MGA: variants seen among roughly 807,000 people sequenced by gnomAD.
MGA encodes MAX dimerization protein MGA.
Under a neutral mutation model 261.1 loss-of-function variants are expected in MGA, and 40 were observed. The ratio of observed to expected loss-of-function variants is 0.15; its 90% CI spans 0.12 to 0.20. The LOEUF is 0.20. Among genes scored for constraint, MGA ranks in the 10% least tolerant of loss-of-function variants. The probability of loss-of-function intolerance (pLI) is 1.00; values close to 1 mark genes in which losing one functional copy is unlikely to be tolerated. For synonymous variants in MGA, 1,302 were observed against 1,290.6 expected (o/e 1.01, Z -0.19); for missense variants, 3,397 against 3,630.5 (o/e 0.94, Z 1.65).
chr15:41,753,889 T>C (rs1376896830), intron 17 of MGA, among the ~76,000 whole-genome samples: 1 of 152,194 alleles, frequency 6.6e-6, no homozygotes, highest in African/African-American at 2.4e-5. Context: ...TTGAGGATGC[T>C]GTTAAGTTTA....
chr15:41,710,595 TG>T, intron 7 of MGA, 95 bp from the exon 8 acceptor site: 1 of 1,200,840 alleles, frequency 8.3e-7, no homozygotes, highest in South Asian at 1.6e-5. Context: ...TTCACTATCT[TG>T]TAGCTCAATA....
intron 9 of MGA, 32 bp from the exon 10 acceptor site, chr15:41,727,148 T>C (rs1332606147): frequency 8.3e-6 from 13 of 1,557,042 alleles, no homozygotes; most frequent in Non-Finnish European, 1.1e-5. Context: ...TTGCCAAAAG[T>C]ACCTAAAACC....
At chr15:41,714,331 T>A (rs1244375692) in intron 9 of MGA, among the ~76,000 whole-genome samples, 1 of 152,184 alleles carries the variant, frequency 6.6e-6, no homozygotes, top group Non-Finnish European at 1.5e-5. Flanking sequence ...TTATAATCCC[T>A]TTGGTTGGAT....
rs1404693296 is a variant in MGA, at chr15:41,745,761, C to A, written c.5212+2589C>A. On this transcript the variant is annotated intron_variant, in intron 15 of 23. Coordinates refer to ENST00000219905, the MANE Select transcript of MGA (RefSeq NM_001164273.2). ...CTGGGATCATAGGCTTGTGCCACCA[C>A]ACCTGGTTAATTTTTTTGATTTTCA... 2.0e-5 allele frequency among the ~76,000 whole-genome samples: 3 copies of A among 147,222 alleles called. No individual in the cohort carries two copies. The East Asian group carries it at 9.7e-4, about 47-fold the overall frequency.
intron 1 of MGA, among the ~76,000 whole-genome samples, chr15:41,665,569 T>C (rs2057685902): frequency 6.6e-6 from 1 of 152,162 alleles, no homozygotes. Context: ...AGTCTCACTG[T>C]GTTTTCCAGG....
At chr15:41,708,317 T>TTTGTTG in intron 7 of MGA, 109 bp downstream of exon 7, 2 of 826,504 alleles carry the variant, frequency 2.4e-6, no homozygotes, top group Non-Finnish European at 1.9e-6. Flanking sequence ...CCATGGGTTT[T>TTTGTTG]TTGTTGTTGT....
rs2063838486 is a variant in MGA, at chr15:41,767,139, C to G, written c.9057C>G (p.Ala3019=). The G allele has an allele frequency of 6.2e-7, 1 of 1,613,904 alleles. No homozygotes were observed. The highest frequency in any genetic ancestry group is 1.3e-5 in the African/African-American group (1 of 75,004). Reference sequence around the variant, plus strand: ...TGCCTTGTTTGGCACCTATAGCTGCCAAAGTTGGGTCAGTTGGACACAAAA... The same window carrying G: ...TGCCTTGTTTGGCACCTATAGCTGCGAAAGTTGGGTCAGTTGGACACAAAA... The change falls in exon 24 of 24, where the codon GCC becomes GCG. Residue 3019 remains alanine, a synonymous_variant. Transcript: ENST00000219905.
chr15:41,750,615 G>A lies in MGA; in HGVS notation c.7008G>A (p.Lys2336=). 1 of 1,598,758 alleles carries A rather than the reference G, an allele frequency of 6.3e-7. No homozygotes were observed. Among genetic ancestry groups the A allele is most frequent in the South Asian group, 1.1e-5 (1 of 88,800 alleles). Reference sequence around the variant, plus strand: ...GTGAGGAGGTTGATGATGTAGAAAAGGTGGTGAGCCCATTTTTGTTGTGAC... The same window carrying A: ...GTGAGGAGGTTGATGATGTAGAAAAAGTGGTGAGCCCATTTTTGTTGTGAC... The change falls in exon 17 of 24, where the codon AAG becomes AAA. Residue 2336 remains lysine (K), a splice_region_variant and synonymous_variant. Transcript: ENST00000219905.
intron 2 of MGA, among the ~76,000 whole-genome samples, chr15:41,682,692 G>C (rs1247579550): frequency 5.3e-5 from 8 of 151,756 alleles, no homozygotes; most frequent in Non-Finnish European, 1.0e-4. Flanking sequence ...TTTTGGCCAG[G>C]CTGGTCTTGA....
In MGA at chr15:41,727,860, TAGGTA is replaced by T. The variant is rs1215168507; in HGVS notation, c.3657+456_3657+460del. On this transcript the variant is annotated intron_variant, in intron 10 of 23. Transcript: ENST00000219905. ...TTGATATAATATGACTGAAGACTGG[TAGGTA>T]AAAGTAGGAAGTTATTCATTGTGTT... Among the ~76,000 whole-genome samples the T allele has an allele frequency of 2.9e-4, 44 of 152,282 alleles. 1 individual carries two copies. The highest frequency in any genetic ancestry group is 2.2e-3 in the Admixed American group (34 of 15,298).
intron 1 of MGA, among the ~76,000 whole-genome samples, chr15:41,661,641 A>G (rs1447759817): frequency 6.6e-6 from 1 of 152,096 alleles, no homozygotes; most frequent in African/African-American, 2.4e-5. Context: ...CGCCGGAGCA[A>G]ACACGTGGAT....
chr15:41,769,812 A>AAAT lies in MGA; in HGVS notation c.*2534_*2536dup. 1 of 152,582 alleles carries AAAT rather than the reference A, an allele frequency of 6.6e-6. No homozygotes were observed. The highest frequency in any genetic ancestry group is 1.9e-4 in the East Asian group (1 of 5,206). The allele number at this position is 152,582 out of a possible 1,614,324, so 9.5% of individuals were successfully genotyped here. On this transcript the variant is annotated 3_prime_UTR_variant, in exon 24 of 24. Transcript: ENST00000219905. ...GATTTAGCATTTTCTTTTATATATT[A>AAAT]AATATATATATCTTTCCTTTTCTGC...
At chr15:41,692,099 T>TTTTTG (rs951697343) in intron 2 of MGA, among the ~76,000 whole-genome samples, 34 of 152,268 alleles carry the variant, frequency 2.2e-4, no homozygotes, top group Admixed American at 3.9e-4. Context: ...CTCTGACACT[T>TTTTTG]TTTTGTTTTG....
In MGA at chr15:41,667,717, G is replaced by A. The variant is rs185889968; in HGVS notation, c.-67-1111G>A. Among the ~76,000 whole-genome samples, 46 of 152,204 alleles carry A rather than the reference G, an allele frequency of 3.0e-4. No homozygotes were observed. The East Asian group carries it at 8.5e-3, about 28-fold the overall frequency. On this transcript the variant is annotated intron_variant, in intron 1 of 23. Transcript: ENST00000219905. ...TAGGGAAAGGAGTTCTTTATAAGTT[G>A]CAAATACCTTTTCCTGGTTAGTTTG...
At chr15:41,663,772 A>C (rs775582429) in intron 1 of MGA, among the ~76,000 whole-genome samples, 1 of 152,094 alleles carries the variant, frequency 6.6e-6, no homozygotes, top group Non-Finnish European at 1.5e-5. Flanking sequence ...CTCCCGGCCT[A>C]GCCTACCCCT....
intron 1 of MGA, among the ~76,000 whole-genome samples, chr15:41,621,780 GC>G (rs1028344756): frequency 6.6e-6 from 1 of 152,112 alleles, no homozygotes; most frequent in African/African-American, 2.4e-5. Context: ...CGCACCCACA[GC>G]TTTCCCCGGC....
chr15:41,750,771 G>A (rs547200374), intron 17 of MGA, 156 bp downstream of exon 17: 3 of 645,074 alleles, frequency 4.7e-6, no homozygotes, highest in East Asian at 5.6e-5. Flanking sequence ...TCTTTAGGCT[G>A]TGTCAATCAA....
intron 5 of MGA, among the ~76,000 whole-genome samples, chr15:41,701,059 G>GA (rs1489471971): frequency 6.6e-6 from 1 of 152,222 alleles, no homozygotes. Context: ...GATTGCTGTG[G>GA]ATTGTAATAG....
At chr15:41,754,593 T>C (rs1264774980) in intron 18 of MGA, 26 bp downstream of exon 18, 1 of 1,526,720 alleles carries the variant, frequency 6.5e-7, no homozygotes, top group East Asian at 2.3e-5. Context: ...CTTTGGATTG[T>C]TGTTTTTGTA....
Sources: allele counts gnomAD v4.1 joint callset (sites outside exome capture counted in the v4.1 genomes callset), GRCh38; gene constraint gnomAD v4.1.1; transcripts MANE v1.5; gene names NCBI Gene and HGNC (gene_info 2026-07-23, HGNC 2026-07-21).